COPA: variants seen among roughly 807,000 people sequenced by gnomAD.
COPA encodes coatomer subunit alpha.
A neutral mutation model predicts 158.7 loss-of-function variants in COPA; 10 were observed. The ratio of observed to expected loss-of-function variants is 0.06; its 90% CI spans 0.04 to 0.11. The LOEUF (loss-of-function observed/expected upper bound fraction) is 0.11, where lower values mean the gene tolerates loss of function less well. Ranked by LOEUF, COPA falls within the 10% of genes least tolerant of loss-of-function variation. COPA has a pLI of 1.00. For synonymous variants in COPA, 462 were observed against 542.8 expected (o/e 0.85, Z 2.07); for missense variants, 1,065 against 1,536.7 (o/e 0.69, Z 5.13).
At position 160,340,007 on chromosome 1, in the gene COPA, T is replaced by TGTTA. The variant is rs1571188574; in HGVS notation, c.155-29_155-26dup. 1.9e-6 allele frequency: 3 copies of TGTTA among 1,611,866 alleles called. No homozygotes were observed. In the East Asian group the frequency reaches 6.7e-5, roughly 36 times the overall value. On this transcript the variant is annotated intron_variant, in intron 2 of 32. Transcript: ENST00000241704. The stretch of plus-strand genomic sequence containing the variant: ...CCTGGTGGAGAAGGCAGGCAATGTA[T>TGTTA]GTTAGACAGAGCTATCCTTTCTAAT...
intron 3 of COPA, among the ~76,000 whole-genome samples, chr1:160,336,085 C>A (rs970407171): frequency 6.7e-6 from 1 of 148,686 alleles, no homozygotes; most frequent in Non-Finnish European, 1.5e-5. Flanking sequence ...ATGGCTCATA[C>A]CTGTAATCCC....
Position 160,305,765 on chromosome 1 carries a change from G to A in COPA, c.1451C>T (p.Ala484Val). 6.2e-7 allele frequency: 1 copy of A among 1,613,680 alleles called. No individual in the cohort carries two copies. Among genetic ancestry groups the A allele is most frequent in the Non-Finnish European group, 8.5e-7 (1 of 1,179,702 alleles). The change falls in exon 16 of 33, where the codon GCA becomes GTA. Residue 484 changes from alanine to valine, a missense_variant. Ala to Val is a moderately conservative substitution (Grantham distance 64). Coordinates refer to ENST00000241704, the MANE Select transcript of COPA (RefSeq NM_004371.4). ...TTTCACTTTAGAAATCTTCACAGATGCCAGAGTCCTGAGATAGATAGAGAT... is the reference window on the plus strand; with the variant it reads ...TTTCACTTTAGAAATCTTCACAGATACCAGAGTCCTGAGATAGATAGAGAT... ...LFDVQQKRTLASVKISKVKYV... is the reference protein window; with the variant it reads ...LFDVQQKRTLVSVKISKVKYV...
rs1189660266 is a variant in COPA, at chr1:160,292,084, A to C, written c.3075T>G (p.Ala1025=). 6.2e-7 allele frequency: 1 copy of C among 1,614,232 alleles called. No individual in the cohort carries two copies. The highest frequency in any genetic ancestry group is 1.7e-5 in the Admixed American group (1 of 60,028). Residue 1025 remains alanine, a synonymous_variant, in exon 29 of 33, where the codon GCT becomes GCG. Coordinates refer to ENST00000241704, the MANE Select transcript of COPA (RefSeq NM_004371.4). ...QLTTVGKFEE[A]VEKFRSILLS... ...GAAGGATGGAACGGAATTTTTCCAC[A>C]GCCTCCTCAAATTTGCCAACTGTGG...
intron 5 of COPA, 144 bp from the exon 6 acceptor site, chr1:160,332,701 C>T: frequency 2.0e-6 from 1 of 509,548 alleles, no homozygotes; most frequent in East Asian, 3.1e-5. Flanking sequence ...CAATTCTGAA[C>T]TAATAATAAT....
chr1:160,323,382 C>T, intron 8 of COPA, 49 bp downstream of exon 8: 2 of 1,506,350 alleles, frequency 1.3e-6, no homozygotes, highest in Admixed American at 1.8e-5. Context: ...CTTTACCTTG[C>T]TGGCTGGCAG....
chr1:160,307,106 C>A, intron 14 of COPA, 57 bp downstream of exon 14: 2 of 1,536,516 alleles, frequency 1.3e-6, no homozygotes, highest in Non-Finnish European at 9.0e-7. Context: ...TTTTGCAATA[C>A]ACAGGCCACT....
intron 2 of COPA, 31 bp from the exon 3 acceptor site, chr1:160,340,013 A>C (rs763276780): frequency 6.4e-5 from 103 of 1,608,940 alleles, no homozygotes; most frequent in Non-Finnish European, 8.6e-5. Context: ...TGTATGTTAG[A>C]CAGAGCTATC....
intron 14 of COPA, 126 bp downstream of exon 14, chr1:160,307,037 C>A (rs965049484): frequency 2.4e-5 from 21 of 889,296 alleles, no homozygotes; most frequent in Non-Finnish European, 3.7e-5. Flanking sequence ...GACAGAGGTA[C>A]AGCCAATACA....
intron 6 of COPA, among the ~76,000 whole-genome samples, chr1:160,327,908 G>A (rs1220018100): frequency 6.6e-6 from 1 of 152,168 alleles, no homozygotes; most frequent in Non-Finnish European, 1.5e-5. Flanking sequence ...TTTGCCATCT[G>A]TAGGAAAATA....
Position 160,292,519 on chromosome 1 carries a change from G to C in COPA, c.2925C>G (p.Cys975Trp). ...RGRTTYQALP[C>W]LPSMYGYPNR... ...TAGGATAGCCATACATGGAGGGTAG[G>C]CAGGGCAGAGCCTGATAGGTTGTGC... Residue 975 changes from cysteine to tryptophan, a missense_variant, in exon 28 of 33, where the codon TGC becomes TGG. Coordinates refer to ENST00000241704, the MANE Select transcript of COPA (RefSeq NM_004371.4). The C allele has an allele frequency of 6.2e-7, 1 of 1,613,888 alleles. No individual in the cohort carries two copies. The highest frequency in any genetic ancestry group is 8.5e-7 in the Non-Finnish European group (1 of 1,179,924).
chr1:160,290,926 A>T (rs960010189), intron 31 of COPA, among the ~76,000 whole-genome samples: 3 of 152,084 alleles, frequency 2.0e-5, no homozygotes, highest in African/African-American at 7.3e-5. Context: ...TCCTCCACCA[A>T]CTCTAGAGAT....
chr1:160,342,242 C>A (rs1258167173), intron 1 of COPA, among the ~76,000 whole-genome samples: 1 of 152,166 alleles, frequency 6.6e-6, no homozygotes, highest in Non-Finnish European at 1.5e-5. Flanking sequence ...TCTCAGGATT[C>A]CAAGGCAAGC....
chr1:160,313,361 T>A (rs1387610975), intron 9 of COPA, among the ~76,000 whole-genome samples, 194 bp from the exon 10 acceptor site: 2 of 152,086 alleles, frequency 1.3e-5, no homozygotes, highest in East Asian at 3.8e-4. Context: ...AAACTGACCA[T>A]ATTATTATGA....
At chr1:160,293,128 G>C (rs1279548805) in intron 27 of COPA, 38 bp downstream of exon 27, 27 of 1,605,550 alleles carry the variant, frequency 1.7e-5, no homozygotes, top group Non-Finnish European at 2.3e-5. Flanking sequence ...GGGACCCTGG[G>C]CTAGGCACAC....
intron 6 of COPA, among the ~76,000 whole-genome samples, chr1:160,330,614 T>A (rs1647466257): frequency 6.6e-6 from 1 of 152,204 alleles, no homozygotes; most frequent in South Asian, 2.1e-4. Context: ...AAATGCTGTA[T>A]CTCAGAATCC....
At chr1:160,312,806 C>G (rs772469840) in intron 10 of COPA, among the ~76,000 whole-genome samples, 3 of 152,204 alleles carry the variant, frequency 2.0e-5, no homozygotes, top group African/African-American at 7.2e-5. Context: ...TACCCTTTCA[C>G]TTTTCTGAAC....
intron 17 of COPA, among the ~76,000 whole-genome samples, chr1:160,299,780 A>G (rs1218954776): frequency 1.3e-5 from 2 of 152,240 alleles, no homozygotes; most frequent in Non-Finnish European, 2.9e-5. Context: ...ACATGCATAT[A>G]TTAGGAGAAA....
rs765391058 is a variant in COPA, at chr1:160,335,255, G to A, written c.296C>T (p.Thr99Met). The change falls in exon 4 of 33, where the codon ACG becomes ATG. Residue 99 changes from threonine to methionine, a missense_variant. Physicochemically the swap from Thr to Met is moderately conservative, Grantham distance 81 (BLOSUM62 -1). Coordinates refer to ENST00000241704, the MANE Select transcript of COPA (RefSeq NM_004371.4). ...LLGHLDYIRTTFFHHEYPWIL... is the reference protein window; with the variant it reads ...LLGHLDYIRTMFFHHEYPWIL... Reference sequence around the variant, plus strand: ...ATGACTACTTACATGATGAAAAAACGTGGTGCGAATATAATCTAAGTGCCC... The same window carrying A: ...ATGACTACTTACATGATGAAAAAACATGGTGCGAATATAATCTAAGTGCCC... 2.9e-5 allele frequency: 47 copies of A among 1,609,958 alleles called. No homozygotes were observed. The highest frequency in any genetic ancestry group is 3.4e-5 in the Non-Finnish European group (40 of 1,178,040).
Position 160,292,135 on chromosome 1 carries a change from T to C in COPA, c.3024A>G (p.Gln1008=), listed in dbSNP as rs1658258943. ...TGAGCTGGTAGCACAGCTGCAACCGTTGGATGAGGTCATTAAGCTTCAGGC... is the reference window on the plus strand; with the variant it reads ...TGAGCTGGTAGCACAGCTGCAACCGCTGGATGAGGTCATTAAGCTTCAGGC... ...AVGLKLNDLI[Q]RLQLCYQLTT... The change falls in exon 29 of 33, where the codon CAA becomes CAG. Residue 1008 remains glutamine (Q), a synonymous_variant. Transcript: ENST00000241704. The C allele has an allele frequency of 6.2e-7, 1 of 1,614,104 alleles. No homozygotes were observed. The highest frequency in any genetic ancestry group is 8.5e-7 in the Non-Finnish European group (1 of 1,180,042).
Sources: gnomAD v4.1 joint callset for allele counts (sites outside exome capture counted in the v4.1 genomes callset) on GRCh38, gnomAD v4.1.1 for gene constraint, MANE v1.5 for transcripts, NCBI Gene and HGNC (gene_info 2026-07-23, HGNC 2026-07-21) for gene names.